Variants in WDR20 observed in about 807,000 individuals in gnomAD.
The protein encoded by WDR20 is WD repeat-containing protein 20.
A neutral mutation model predicts 38.7 loss-of-function variants in WDR20; 3 were observed. The observed-to-expected ratio is 0.08, with a 90% CI of 0.04 to 0.20. WDR20 has a LOEUF of 0.20. WDR20 is among the 10% of genes least tolerant of loss of function. The pLI, the probability that WDR20 is intolerant of heterozygous loss-of-function variation, is 1.00. For missense variants in WDR20, 559 were observed against 727.7 expected (o/e 0.77, Z 2.67); for synonymous variants, 298 against 285.6 (o/e 1.04, Z -0.44).
intron 1 of WDR20, among the ~76,000 whole-genome samples, chr14:102,154,028 A>G (rs1052005687): frequency 1.3e-5 from 2 of 152,160 alleles, no homozygotes; most frequent in Non-Finnish European, 2.9e-5. Context: ...AATGAGCTAG[A>G]TGTGGTAGCA....
intron 2 of WDR20, 137 bp downstream of exon 2, chr14:102,195,257 A>G (rs2059219974): frequency 2.2e-6 from 2 of 903,564 alleles, no homozygotes; most frequent in South Asian, 1.8e-5. Context: ...AGTATGCCCA[A>G]GTTTAAATGT....
chr14:102,209,944 G>A lies in WDR20; in HGVS notation c.*64G>A. The A allele has an allele frequency of 6.6e-7, 1 of 1,515,332 alleles. No individual in the cohort carries two copies. The highest frequency in any genetic ancestry group is 8.8e-7 in the Non-Finnish European group (1 of 1,139,754). The allele number at this position is 1,515,332 out of a possible 1,614,324, so 93.9% of individuals were successfully genotyped here. A position where few individuals can be genotyped will look rare whatever the true frequency, so the allele number is the denominator to read the frequency against. On this transcript the variant is annotated 3_prime_UTR_variant, in exon 3 of 3. Coordinates refer to ENST00000342702, the MANE Select transcript of WDR20 (RefSeq NM_144574.4). The surrounding 1 kb of genome is among the most constrained non-coding windows in gnomAD (Gnocchi z 6.0). ...TTTTCTTTTTCGTGGGAGGGGTGGG[G>A]TGTACAATGAATGTGAATGACACTT... is the stretch of plus-strand genomic sequence containing the variant.
chr14:102,211,470 C>A (rs573768825), downstream of WDR20, among the ~76,000 whole-genome samples: 1 of 152,140 alleles, frequency 6.6e-6, no homozygotes, highest in African/African-American at 2.4e-5. The surrounding 1 kb of genome is among the most constrained non-coding windows in gnomAD (Gnocchi z 4.2). Context: ...CCATCGTGGG[C>A]CTTAACGCAG....
At chr14:102,191,138 CTT>C (rs1212245220) in intron 1 of WDR20, 1 of 152,260 alleles carries the variant, frequency 6.6e-6, no homozygotes, top group Non-Finnish European at 1.5e-5. Context: ...TCACCATTGC[CTT>C]GCAGGGGAGG....
At chr14:102,213,672 C>A (rs769856850), downstream of WDR20, 8 of 985,480 alleles carry the variant, frequency 8.1e-6, no homozygotes, top group Non-Finnish European at 9.6e-6. Flanking sequence ...GCAGCCATTT[C>A]TCCCCAGTTC....
intron 1 of WDR20, among the ~76,000 whole-genome samples, chr14:102,177,130 TCA>T (rs1171277310): frequency 1.3e-5 from 2 of 152,226 alleles, no homozygotes; most frequent in Non-Finnish European, 2.9e-5. Context: ...AGTTACCCTG[TCA>T]GTGCCTCTTC....
At chr14:102,192,410 C>T (rs965860316) in intron 1 of WDR20, among the ~76,000 whole-genome samples, 1 of 152,120 alleles carries the variant, frequency 6.6e-6, no homozygotes, top group Non-Finnish European at 1.5e-5. Flanking sequence ...AACTCCTGAC[C>T]TCAGGTGATC....
intron 1 of WDR20, among the ~76,000 whole-genome samples, chr14:102,180,218 C>G (rs185724911): frequency 6.6e-5 from 10 of 152,300 alleles, no homozygotes; most frequent in Admixed American, 4.6e-4. Flanking sequence ...ATTCTGATCA[C>G]TTTACATATT....
intron 1 of WDR20, among the ~76,000 whole-genome samples, chr14:102,184,873 G>A (rs930893003): frequency 6.6e-6 from 1 of 152,116 alleles, no homozygotes. Context: ...TGGTTGGCCG[G>A]GGCTCATTCC....
intron 2 of WDR20, among the ~76,000 whole-genome samples, chr14:102,202,890 T>TGTGACATTC (rs1232699124): frequency 6.6e-6 from 1 of 152,200 alleles, no homozygotes. Flanking sequence ...AGCCAATTTC[T>TGTGACATTC]GTGACATTCG....
intron 1 of WDR20, among the ~76,000 whole-genome samples, chr14:102,171,907 C>CT (rs11308925): frequency 7.3e-4 from 102 of 139,502 alleles, no homozygotes; most frequent in African/African-American, 1.6e-3. Context: ...GTTTGTTTTC[C>CT]TTTTTTTTTT....
intron 1 of WDR20, among the ~76,000 whole-genome samples, chr14:102,168,025 C>T (rs1375972530): frequency 1.3e-5 from 2 of 152,202 alleles, no homozygotes; most frequent in Non-Finnish European, 2.9e-5. Flanking sequence ...TCTTTCTCAT[C>T]TGTGTTTGGT....
intron 1 of WDR20, among the ~76,000 whole-genome samples, chr14:102,140,433 C>T (rs1021073846): frequency 2.0e-5 from 3 of 152,034 alleles, no homozygotes; most frequent in Non-Finnish European, 4.4e-5. Flanking sequence ...CCGGGGGAGC[C>T]GGCTGCGTCC....
chr14:102,172,095 A>AGT (rs1467614924), intron 1 of WDR20, among the ~76,000 whole-genome samples: 2 of 151,210 alleles, frequency 1.3e-5, no homozygotes, highest in African/African-American at 4.8e-5. Flanking sequence ...GAGATTAGGG[A>AGT]GTGGTGATGA....
At chr14:102,214,154 G>C, downstream of WDR20, 1 of 985,638 alleles carries the variant, frequency 1.0e-6, no homozygotes, top group Non-Finnish European at 1.2e-6. Flanking sequence ...CGTGGGTAGG[G>C]GTCGGGTGAC....
At chr14:102,153,463 C>T (rs1221408906) in intron 1 of WDR20, among the ~76,000 whole-genome samples, 2 of 151,914 alleles carry the variant, frequency 1.3e-5, no homozygotes, top group African/African-American at 2.4e-5. Context: ...CCCACCACCA[C>T]GCCTGGCTAA....
intron 1 of WDR20, among the ~76,000 whole-genome samples, chr14:102,160,170 A>G (rs940346917): frequency 2.6e-5 from 4 of 152,194 alleles, no homozygotes; most frequent in African/African-American, 4.8e-5. Context: ...TAAGTGTACA[A>G]TTGAATGATT....
chr14:102,206,589 T>C (rs2061576155), intron 2 of WDR20, among the ~76,000 whole-genome samples: 1 of 152,246 alleles, frequency 6.6e-6, no homozygotes, highest in Admixed American at 6.5e-5. Flanking sequence ...GATTTGGTTC[T>C]GGTGAAATGT....
At chr14:102,200,466 TTTGTGTGTGTGTGTGTG>T (rs1567023697) in intron 2 of WDR20, among the ~76,000 whole-genome samples, 1 of 106,096 alleles carries the variant, frequency 9.4e-6, no homozygotes, top group African/African-American at 4.4e-5. Context: ...AATTTTTTTT[TTTGTGTGTGTGTGTGTG>T]TGTGTGTGTG....
Sources: allele counts gnomAD v4.1 joint callset (sites outside exome capture counted in the v4.1 genomes callset), GRCh38; gene constraint gnomAD v4.1.1; non-coding constraint Gnocchi (gnomAD v3.1); transcripts MANE v1.5; gene names NCBI Gene and HGNC (gene_info 2026-07-23, HGNC 2026-07-21).